CSMD1: variants seen among roughly 807,000 people sequenced by gnomAD.
CSMD1 encodes CUB and sushi domain-containing protein 1.
In CSMD1, 213 loss-of-function variants were observed where a neutral mutation model predicts 417.5. The ratio of observed to expected loss-of-function variants is 0.51; its 90% CI spans 0.46 to 0.57. The LOEUF (loss-of-function observed/expected upper bound fraction) is 0.57. Ranked by LOEUF, CSMD1 falls within the 20% of genes least tolerant of loss-of-function variation. The pLI, the probability that CSMD1 is intolerant of heterozygous loss-of-function variation, is 0.00. For missense variants in CSMD1, 6,923 were observed against 4,529.7 expected (o/e 1.53, Z -15.17); for synonymous variants, 2,862 against 1,736.8 (o/e 1.65, Z -16.11).
chr8:3,201,235 A>G (rs1796975914), intron 32 of CSMD1, among the ~76,000 whole-genome samples: 1 of 152,210 alleles, frequency 6.6e-6, no homozygotes, highest in Non-Finnish European at 1.5e-5. Context: ...TAGGACTTAC[A>G]GGCTTAGAAT....
At position 3,468,707 on chromosome 8, in the gene CSMD1, C is replaced by G. The variant is rs368025078; in HGVS notation, c.1561+5G>C. 2.3e-4 allele frequency: 362 copies of G among 1,578,176 alleles called. No individual in the cohort carries two copies. Among genetic ancestry groups the G allele is most frequent in the Non-Finnish European group, 2.8e-4 (322 of 1,155,508 alleles). On this transcript the variant is annotated splice_donor_5th_base_variant and intron_variant, in intron 12 of 69. Coordinates refer to ENST00000635120, the MANE Select transcript of CSMD1 (RefSeq NM_033225.6). ...CCAACCCTGTGAAGTGTAATCTCAT[C>G]ATACCTTGGTAAACAGCTTTAAACC...
intron 1 of CSMD1, among the ~76,000 whole-genome samples, chr8:4,802,711 T>C (rs183279029): frequency 6.6e-6 from 1 of 152,334 alleles, no homozygotes; most frequent in East Asian, 1.9e-4. Flanking sequence ...CTTGTTTTGA[T>C]ATTATCTTCC....
At chr8:3,178,489 G>A (rs1821081240) in intron 37 of CSMD1, among the ~76,000 whole-genome samples, 1 of 152,066 alleles carries the variant, frequency 6.6e-6, no homozygotes, top group Non-Finnish European at 1.5e-5. Flanking sequence ...AGGGTAGTCT[G>A]GATACCTCGC....
chr8:3,207,542 A>C, intron 30 of CSMD1, among the ~76,000 whole-genome samples: 1 of 152,154 alleles, frequency 6.6e-6, no homozygotes, highest in East Asian at 1.9e-4. Context: ...TAATTGATGG[A>C]CAGAACATTT....
At chr8:3,402,742 TTGTC>T (rs1812113821) in intron 15 of CSMD1, among the ~76,000 whole-genome samples, 2 of 152,198 alleles carry the variant, frequency 1.3e-5, no homozygotes, top group South Asian at 4.1e-4. Context: ...CATAAACAGT[TTGTC>T]TATTTTATTG....
intron 1 of CSMD1, among the ~76,000 whole-genome samples, chr8:4,648,776 T>A (rs1051813064): frequency 6.6e-5 from 10 of 152,330 alleles, no homozygotes; most frequent in Admixed American, 3.9e-4. Flanking sequence ...ATGTTGGAGT[T>A]GAGACATCAG....
intron 3 of CSMD1, among the ~76,000 whole-genome samples, chr8:4,333,043 A>C (rs773908580): frequency 6.6e-6 from 1 of 152,116 alleles, no homozygotes; most frequent in African/African-American, 2.4e-5. Context: ...CACAGCAACC[A>C]TTTTAAATGT....
In CSMD1 at chr8:3,000,049, G is replaced by C. The variant is rs377097631; in HGVS notation, c.8112C>G (p.Tyr2704Ter). ...DGFSYRDTVV[Y>*]QCNPGFRLVG... ...CAAGCCGGAAACCAGGATTGCACTG[G>C]TAAACCACCGTGTCTCTGTAACTGA... The change falls in exon 53 of 70, where the codon TAC becomes TAG. Residue 2704 changes from tyrosine to a stop codon, truncating the protein, a stop_gained. Coordinates refer to ENST00000635120, the MANE Select transcript of CSMD1 (RefSeq NM_033225.6). LOFTEE classifies it high-confidence loss of function. 1 of 1,604,828 alleles carries C rather than the reference G, an allele frequency of 6.2e-7. No homozygotes were observed. Among genetic ancestry groups the C allele is most frequent in the Non-Finnish European group, 8.5e-7 (1 of 1,178,084 alleles).
chr8:4,871,605 A>G (rs1162316793), intron 1 of CSMD1, among the ~76,000 whole-genome samples: 1 of 152,120 alleles, frequency 6.6e-6, no homozygotes, highest in Admixed American at 6.5e-5. Context: ...GGTTTTCATG[A>G]AACAGTTGGA....
chr8:4,254,742 CAA>C lies in CSMD1; in HGVS notation c.415+165209_415+165210del, dbSNP rs563773705. Among the ~76,000 whole-genome samples the C allele has an allele frequency of 1.1e-3, 170 of 152,222 alleles. No individual in the cohort carries two copies. The Middle Eastern group carries it at 0.027, about 24-fold the overall frequency. On this transcript the variant is annotated intron_variant, in intron 3 of 69. Coordinates refer to ENST00000635120, the MANE Select transcript of CSMD1 (RefSeq NM_033225.6). ...GTATGGTTATGTATCTTCAGATCTG[CAA>C]AGTCTTACCATTGTGTTACAGTTGC... is the stretch of plus-strand genomic sequence containing the variant.
intron 50 of CSMD1, 112 bp from the exon 51 acceptor site, chr8:3,029,625 G>A (rs933188137): frequency 8.5e-6 from 7 of 824,870 alleles, no homozygotes; most frequent in East Asian, 2.7e-5. Flanking sequence ...GTTTGGCAAA[G>A]TTGATGCCAT....
chr8:3,447,197 A>C (rs1233819615), intron 12 of CSMD1, among the ~76,000 whole-genome samples: 3 of 152,346 alleles, frequency 2.0e-5, no homozygotes, highest in East Asian at 3.9e-4. Context: ...GCAAAGAAAA[A>C]TGATGAACCA....
chr8:3,914,804 G>C (rs1047515638), intron 5 of CSMD1, among the ~76,000 whole-genome samples: 1 of 151,470 alleles, frequency 6.6e-6, no homozygotes, highest in Non-Finnish European at 1.5e-5. Flanking sequence ...AAGATTTATT[G>C]ACATCTACTC....
chr8:4,440,249 T>G (rs1383411798), intron 2 of CSMD1, among the ~76,000 whole-genome samples: 1 of 152,196 alleles, frequency 6.6e-6, no homozygotes, highest in Non-Finnish European at 1.5e-5. Flanking sequence ...CACCTATACA[T>G]ATTGTATATA....
At chr8:4,721,404 T>A (rs879554742) in intron 1 of CSMD1, among the ~76,000 whole-genome samples, 3 of 152,188 alleles carry the variant, frequency 2.0e-5, no homozygotes, top group South Asian at 2.1e-4. Flanking sequence ...TAAAAAAGAA[T>A]GAATCTGACT....
At chr8:3,568,990 T>C (rs1224991415) in intron 10 of CSMD1, among the ~76,000 whole-genome samples, 1 of 152,184 alleles carries the variant, frequency 6.6e-6, no homozygotes, top group African/African-American at 2.4e-5. Context: ...AGAATTCTGA[T>C]TGCAGGACTC....
chr8:3,588,794 C>T (rs1057083750), intron 8 of CSMD1, among the ~76,000 whole-genome samples: 1 of 151,920 alleles, frequency 6.6e-6, no homozygotes, highest in Non-Finnish European at 1.5e-5. Flanking sequence ...GAAGAGACAC[C>T]CTGCAGAATG....
chr8:4,195,669 C>T (rs569578783), intron 3 of CSMD1, among the ~76,000 whole-genome samples: 1 of 152,124 alleles, frequency 6.6e-6, no homozygotes, highest in Non-Finnish European at 1.5e-5. Context: ...CATGATGAAG[C>T]AGAGGCTGTG....
At chr8:4,741,176 T>G (rs572270093) in intron 1 of CSMD1, among the ~76,000 whole-genome samples, 1 of 152,062 alleles carries the variant, frequency 6.6e-6, no homozygotes. Context: ...GACACTTATG[T>G]AAGTGTCAGA....
Sources: allele counts gnomAD v4.1 joint callset (sites outside exome capture counted in the v4.1 genomes callset), GRCh38; gene constraint gnomAD v4.1.1; transcripts MANE v1.5; gene names NCBI Gene and HGNC (gene_info 2026-07-23, HGNC 2026-07-21).